FHIT: variants seen among roughly 807,000 people sequenced by gnomAD.
The protein encoded by FHIT is bis(5'-adenosyl)-triphosphatase.
FHIT carries 19 observed loss-of-function variants against 17.9 expected under a neutral mutation model. The observed-to-expected ratio is 1.06, with a 90% CI of 0.74 to 1.56. The LOEUF is 1.56. FHIT is among the 40% of genes most tolerant of loss of function. The pLI is 0.00. For synonymous variants in FHIT, 81 were observed against 69.7 expected (o/e 1.16, Z -0.81); for missense variants, 248 against 189.2 (o/e 1.31, Z -1.82).
intron 5 of FHIT, among the ~76,000 whole-genome samples, chr3:60,490,236 T>C (rs1462450256): frequency 6.6e-6 from 1 of 152,138 alleles, no homozygotes; most frequent in Non-Finnish European, 1.5e-5. Context: ...GGTGATCATC[T>C]AATATTTTCA....
chr3:59,775,343 G>A (rs925236729), intron 8 of FHIT, among the ~76,000 whole-genome samples: 1 of 152,144 alleles, frequency 6.6e-6, no homozygotes, highest in Admixed American at 6.5e-5. Context: ...GTAGTGACCA[G>A]GCCACAGGCT....
chr3:59,932,238 T>A (rs926196415), intron 7 of FHIT, among the ~76,000 whole-genome samples: 1 of 152,076 alleles, frequency 6.6e-6, no homozygotes, highest in Non-Finnish European at 1.5e-5. Flanking sequence ...AATGCTGTGA[T>A]AGGCACTGGA....
intron 5 of FHIT, among the ~76,000 whole-genome samples, chr3:60,168,742 T>A (rs1295749151): frequency 6.6e-6 from 1 of 152,220 alleles, no homozygotes; most frequent in Non-Finnish European, 1.5e-5. Context: ...GTATATCTCC[T>A]GTAACTTGTC....
intron 5 of FHIT, among the ~76,000 whole-genome samples, chr3:60,321,348 C>T (rs772093576): frequency 1.3e-5 from 2 of 152,094 alleles, no homozygotes; most frequent in Non-Finnish European, 2.9e-5. Flanking sequence ...TGGTGGCATA[C>T]ACCTGTAGTC....
At chr3:60,364,428 C>T (rs1419818722) in intron 5 of FHIT, among the ~76,000 whole-genome samples, 1 of 152,222 alleles carries the variant, frequency 6.6e-6, no homozygotes, top group African/African-American at 2.4e-5. Context: ...TTAGACAATA[C>T]ATTATACTGT....
At position 59,927,723 on chromosome 3, in the gene FHIT, C is replaced by A. The variant is rs142363690; in HGVS notation, c.280-5309G>T. ...GGCGGAGGTTGCCGTGAGCCGAGAT[C>A]GTGCCACTGCACTCCAGCCTGGGTG... On this transcript the variant is annotated intron_variant, in intron 7 of 9. Coordinates refer to ENST00000492590, the MANE Select transcript of FHIT (RefSeq NM_002012.4). Among the ~76,000 whole-genome samples, 1,233 of 152,102 alleles carry A rather than the reference C, an allele frequency of 8.1e-3. 30 individuals are homozygous for A. Among genetic ancestry groups the A allele is most frequent in the South Asian group, 0.026 (125 of 4,810 alleles).
At chr3:60,187,413 T>C (rs562155745) in intron 5 of FHIT, among the ~76,000 whole-genome samples, 4 of 152,326 alleles carry the variant, frequency 2.6e-5, no homozygotes, top group African/African-American at 4.8e-5. Flanking sequence ...AATTAGGCCA[T>C]GGAGGGAAAC....
intron 5 of FHIT, among the ~76,000 whole-genome samples, chr3:60,412,375 A>G (rs149537798): frequency 7.2e-5 from 11 of 152,228 alleles, no homozygotes; most frequent in African/African-American, 2.6e-4. Context: ...AAATAAATAA[A>G]TAAGACCAGT....
intron 8 of FHIT, among the ~76,000 whole-genome samples, chr3:59,897,256 A>G (rs1235082963): frequency 2.6e-5 from 4 of 152,236 alleles, no homozygotes; most frequent in Non-Finnish European, 5.9e-5. Context: ...TTTAATGTTA[A>G]TTAACTTAAA....
chr3:60,100,018 T>G (rs1047271191), intron 5 of FHIT, among the ~76,000 whole-genome samples: 1 of 152,190 alleles, frequency 6.6e-6, no homozygotes, highest in Admixed American at 6.5e-5. Context: ...GTCACAGTTT[T>G]TCACAGTAGC....
At chr3:59,846,063 G>T (rs1701707268) in intron 8 of FHIT, among the ~76,000 whole-genome samples, 1 of 152,028 alleles carries the variant, frequency 6.6e-6, no homozygotes, top group African/African-American at 2.4e-5. Flanking sequence ...TATTGACTAG[G>T]CTGTTTAATC....
intron 5 of FHIT, among the ~76,000 whole-genome samples, chr3:60,091,959 C>CA (rs1343430724): frequency 6.6e-6 from 1 of 152,152 alleles, no homozygotes; most frequent in Non-Finnish European, 1.5e-5. Flanking sequence ...TGAGAACAGA[C>CA]AAATACACCA....
Position 60,173,916 on chromosome 3 carries a change from T to TATATATATATATATATATATATA in FHIT, c.104-159765_104-159764insTATATATATATATATATATATAT, listed in dbSNP as rs1343702595. On this transcript the variant is annotated intron_variant, in intron 5 of 9. Coordinates refer to ENST00000492590, the MANE Select transcript of FHIT (RefSeq NM_002012.4). ...ATATATATATATATATATATATATATGTTTTTTTTTTTTTTTGAGATCGAG... is the reference window on the plus strand; with the variant it reads ...ATATATATATATATATATATATATATATATATATATATATATATATATAGTTTTTTTTTTTTTTTGAGATCGAG... Among the ~76,000 whole-genome samples, 3 of 68,058 alleles carry TATATATATATATATATATATATA rather than the reference T, an allele frequency of 4.4e-5. 1 individual carries two copies. The highest frequency in any genetic ancestry group is 3.9e-4 in the Admixed American group (2 of 5,098). The allele number at this position is 68,058 out of a possible 152,430, so 44.6% of individuals were successfully genotyped here.
At chr3:61,140,999 T>C (rs1349349134) in intron 2 of FHIT, among the ~76,000 whole-genome samples, 1 of 152,234 alleles carries the variant, frequency 6.6e-6, no homozygotes, top group African/African-American at 2.4e-5. Context: ...TGTCAACTAG[T>C]TTGCTTACCT....
intron 5 of FHIT, among the ~76,000 whole-genome samples, chr3:60,393,628 C>T (rs911707030): frequency 6.6e-6 from 1 of 152,082 alleles, no homozygotes; most frequent in African/African-American, 2.4e-5. Context: ...GAAGTCAAAA[C>T]TGGTGGCTGC....
At chr3:59,832,804 GGCT>G (rs1413521313) in intron 8 of FHIT, among the ~76,000 whole-genome samples, 1 of 152,138 alleles carries the variant, frequency 6.6e-6, no homozygotes, top group Non-Finnish European at 1.5e-5. Context: ...GGATGCTAGG[GGCT>G]ATCTTCCCTA....
chr3:60,926,507 A>G (rs1272744821), intron 3 of FHIT, among the ~76,000 whole-genome samples: 4 of 152,220 alleles, frequency 2.6e-5, no homozygotes, highest in Non-Finnish European at 2.9e-5. Context: ...TTTGAAACCA[A>G]TGAGAACAAA....
intron 5 of FHIT, among the ~76,000 whole-genome samples, chr3:60,436,116 C>T (rs2030214983): frequency 6.6e-6 from 1 of 152,020 alleles, no homozygotes. Context: ...GATCTTGGCT[C>T]AGCTCACTGC....
intron 5 of FHIT, among the ~76,000 whole-genome samples, chr3:60,062,139 T>C (rs948511440): frequency 6.6e-6 from 1 of 152,108 alleles, no homozygotes; most frequent in Non-Finnish European, 1.5e-5. Context: ...CTCCAAAAGA[T>C]CACCAATCAA....
Sources: allele counts gnomAD v4.1 joint callset (sites outside exome capture counted in the v4.1 genomes callset), GRCh38; gene constraint gnomAD v4.1.1; transcripts MANE v1.5; gene names NCBI Gene and HGNC (gene_info 2026-07-23, HGNC 2026-07-21).